Variants in EPHA6 observed in about 807,000 individuals in gnomAD.
The protein encoded by EPHA6 is ephrin type-A receptor 6.
In EPHA6, 50 loss-of-function variants were observed where a neutral mutation model predicts 112.0. The observed-to-expected ratio is 0.45, with a 90% confidence interval of 0.36 to 0.56. The LOEUF (loss-of-function observed/expected upper bound fraction) is 0.56, where lower values mean the gene tolerates loss of function less well. Among genes scored for constraint, EPHA6 ranks in the 20% least tolerant of loss-of-function variants. EPHA6 has a pLI of 0.00. For missense variants in EPHA6, 1,280 were observed against 1,417.4 expected (o/e 0.90, Z 1.56); for synonymous variants, 529 against 490.7 (o/e 1.08, Z -1.03).
At chr3:97,124,936 T>C (rs2048142990) in intron 3 of EPHA6, among the ~76,000 whole-genome samples, 1 of 151,560 alleles carries the variant, frequency 6.6e-6, no homozygotes, top group South Asian at 2.1e-4. Flanking sequence ...GCTGGAAGCA[T>C]AATTACTAAA....
At chr3:97,709,439 C>T (rs919168217) in intron 14 of EPHA6, among the ~76,000 whole-genome samples, 1 of 152,236 alleles carries the variant, frequency 6.6e-6, no homozygotes, top group African/African-American at 2.4e-5. Context: ...AATGCCTGTA[C>T]CTCCATTGTA....
chr3:96,912,726 T>C (rs1442741495), intron 2 of EPHA6, among the ~76,000 whole-genome samples: 1 of 152,090 alleles, frequency 6.6e-6, no homozygotes, highest in Non-Finnish European at 1.5e-5. Context: ...TAGCTAGGAC[T>C]ACAGGTGTGT....
chr3:97,419,607 A>C (rs1452899193), intron 6 of EPHA6, among the ~76,000 whole-genome samples: 1 of 146,846 alleles, frequency 6.8e-6, no homozygotes, highest in Non-Finnish European at 1.5e-5. Context: ...CCTGTGTGAC[A>C]GAATGAGACT....
chr3:96,982,876 C>G (rs2042855518), intron 2 of EPHA6, among the ~76,000 whole-genome samples: 1 of 152,184 alleles, frequency 6.6e-6, no homozygotes, highest in South Asian at 2.1e-4. Context: ...AGGATTGCAA[C>G]CCCTGCCTTT....
intron 16 of EPHA6, among the ~76,000 whole-genome samples, chr3:97,740,277 G>C (rs1371007660): frequency 6.6e-6 from 1 of 152,046 alleles, no homozygotes; most frequent in Non-Finnish European, 1.5e-5. Context: ...TATCCTTTAG[G>C]ACAGAGTTTC....
At chr3:96,894,610 A>G (rs973966059) in intron 2 of EPHA6, among the ~76,000 whole-genome samples, 3 of 152,124 alleles carry the variant, frequency 2.0e-5, no homozygotes, top group Non-Finnish European at 4.4e-5. Flanking sequence ...TATGAATGGC[A>G]TAGGGAAGAA....
rs78245110 is a variant in EPHA6, at chr3:96,962,640, A to AT, written c.451-24679dup. Among the ~76,000 whole-genome samples, 249 of 145,308 alleles carry AT rather than the reference A, an allele frequency of 1.7e-3. 3 individuals carry two copies. The highest frequency in any genetic ancestry group is 3.8e-3 in the African/African-American group (151 of 39,688). On this transcript the variant is annotated intron_variant, in intron 2 of 17. Transcript: ENST00000389672. ...ATTTGCACTGTCCCTTTTAAGCTTA[A>AT]TTTTTTTTTTTAGCTAAAACAAATT...
chr3:97,207,896 G>A (rs991903669), intron 3 of EPHA6, among the ~76,000 whole-genome samples: 1 of 152,088 alleles, frequency 6.6e-6, no homozygotes, highest in Non-Finnish European at 1.5e-5. Flanking sequence ...GATCTGCCTG[G>A]GTGAGAAATA....
chr3:96,865,191 A>T (rs60453130), intron 1 of EPHA6, among the ~76,000 whole-genome samples: 2,018 of 152,198 alleles, frequency 0.013, 49 homozygotes, highest in African/African-American at 0.045. Flanking sequence ...ATAGATTTTA[A>T]CAATACTAAA....
intron 5 of EPHA6, among the ~76,000 whole-genome samples, chr3:97,335,450 A>C (rs771235105): frequency 1.6e-4 from 24 of 152,148 alleles, no homozygotes; most frequent in Non-Finnish European, 2.6e-4. Context: ...GACATCTACC[A>C]ATATTTTGTT....
chr3:96,942,377 A>G (rs565882365), intron 2 of EPHA6, among the ~76,000 whole-genome samples: 1 of 152,312 alleles, frequency 6.6e-6, no homozygotes, highest in Non-Finnish European at 1.5e-5. Context: ...CTGTGCTAGC[A>G]ATCAGCGTGA....
At chr3:97,230,621 A>G (rs1401864177) in intron 4 of EPHA6, among the ~76,000 whole-genome samples, 3 of 152,178 alleles carry the variant, frequency 2.0e-5, no homozygotes, top group Non-Finnish European at 4.4e-5. Context: ...TTCTTAGTTG[A>G]GACAGACTCC....
intron 3 of EPHA6, among the ~76,000 whole-genome samples, chr3:97,003,114 T>C (rs1187620131): frequency 6.6e-6 from 1 of 152,064 alleles, no homozygotes; most frequent in African/African-American, 2.4e-5. Flanking sequence ...TTCTTTTCTT[T>C]TTTTTCTTTT....
At chr3:97,160,346 G>A (rs1407400224) in intron 3 of EPHA6, among the ~76,000 whole-genome samples, 3 of 151,922 alleles carry the variant, frequency 2.0e-5, no homozygotes, top group Non-Finnish European at 4.4e-5. Context: ...GAGTGATCTC[G>A]GGTCACTACA....
intron 7 of EPHA6, among the ~76,000 whole-genome samples, chr3:97,467,278 C>A (rs1312692141): frequency 6.6e-6 from 1 of 151,586 alleles, no homozygotes; most frequent in Non-Finnish European, 1.5e-5. Flanking sequence ...CTAAATAATT[C>A]TGTTTTTAAA....
At chr3:96,973,063 A>G (rs1470198880) in intron 2 of EPHA6, among the ~76,000 whole-genome samples, 1 of 152,182 alleles carries the variant, frequency 6.6e-6, no homozygotes. Flanking sequence ...CAGTTGCTTT[A>G]AGAATTAATT....
intron 3 of EPHA6, among the ~76,000 whole-genome samples, chr3:96,994,761 A>AGAGAGAGAGAGAGAGAGAGAGAGC (rs2043353407): frequency 2.2e-5 from 3 of 137,074 alleles, no homozygotes; most frequent in African/African-American, 8.4e-5. Context: ...AGAGAGAGAG[A>AGAGAGAGAGAGAGAGAGAGAGAGC]GCTATATATA....
chr3:97,179,052 G>A (rs890998065), intron 3 of EPHA6, among the ~76,000 whole-genome samples: 25 of 151,822 alleles, frequency 1.6e-4, no homozygotes, highest in Admixed American at 5.3e-4. Context: ...TTCATGGTTT[G>A]TTATTCTTTT....
intron 3 of EPHA6, among the ~76,000 whole-genome samples, chr3:97,161,443 A>G (rs2108400257): frequency 6.6e-6 from 1 of 152,248 alleles, no homozygotes; most frequent in South Asian, 2.1e-4. Context: ...TATGGCTCAT[A>G]GTGGAAGAGC....
Sources: allele counts gnomAD v4.1 joint callset (sites outside exome capture counted in the v4.1 genomes callset), GRCh38; gene constraint gnomAD v4.1.1; transcripts MANE v1.5; gene names NCBI Gene and HGNC (gene_info 2026-07-23, HGNC 2026-07-21).